Variants in PRKG1 observed in about 807,000 individuals in gnomAD.
PRKG1 encodes protein kinase cGMP-dependent 1.
In PRKG1, 35 loss-of-function variants were observed where a neutral mutation model predicts 88.1. That is an observed-to-expected ratio of 0.40 (90% confidence interval 0.30 to 0.53). PRKG1 has a LOEUF of 0.53. Among genes scored for constraint, PRKG1 ranks in the 20% least tolerant of loss-of-function variants. The pLI is 0.59. For synonymous variants in PRKG1, 303 were observed against 292.5 expected, an observed-to-expected ratio of 1.04 and a Z score of -0.37; for missense variants, 540 against 839.8, an observed-to-expected ratio of 0.64 and a Z score of 4.41.
intron 5 of PRKG1, among the ~76,000 whole-genome samples, chr10:52,043,915 T>C (rs1430509151): frequency 7.8e-5 from 2 of 25,482 alleles, no homozygotes; most frequent in East Asian, 2.3e-3. Context: ...CAGTTAAACA[T>C]AGAAAAAAAA....
At chr10:51,362,861 G>A (rs1842512871) in intron 2 of PRKG1, among the ~76,000 whole-genome samples, 3 of 151,724 alleles carry the variant, frequency 2.0e-5, no homozygotes, top group South Asian at 2.1e-4. Flanking sequence ...TCCCACTTAT[G>A]AGCGAGAACA....
intron 9 of PRKG1, among the ~76,000 whole-genome samples, chr10:52,175,273 A>C (rs1838831667): frequency 6.6e-6 from 1 of 152,122 alleles, no homozygotes; most frequent in Non-Finnish European, 1.5e-5. Flanking sequence ...TTCACTTAAC[A>C]TAATGTCCTT....
chr10:51,549,046 TG>T (rs1202328182), intron 3 of PRKG1, among the ~76,000 whole-genome samples: 14 of 151,730 alleles, frequency 9.2e-5, no homozygotes, highest in Admixed American at 3.3e-4. Context: ...ATGTTATAGG[TG>T]GTTCTTTTTG....
intron 1 of PRKG1, among the ~76,000 whole-genome samples, chr10:51,140,157 A>G (rs138636736): frequency 0.012 from 1,768 of 152,278 alleles, 27 homozygotes; most frequent in Middle Eastern, 0.041. Flanking sequence ...GCATTGTCAA[A>G]CAGGTCTTCA....
At chr10:51,899,031 T>C (rs1280895425) in intron 4 of PRKG1, among the ~76,000 whole-genome samples, 2 of 152,150 alleles carry the variant, frequency 1.3e-5, no homozygotes, top group South Asian at 4.1e-4. Context: ...AACCTTTTGA[T>C]TTTTTCCTGC....
At chr10:51,565,766 C>CT (rs1216523595) in intron 3 of PRKG1, among the ~76,000 whole-genome samples, 1 of 151,806 alleles carries the variant, frequency 6.6e-6, no homozygotes, top group Non-Finnish European at 1.5e-5. Flanking sequence ...CCTCATAGAG[C>CT]TTCTGGTTAA....
chr10:51,977,035 C>T (rs895353650), intron 5 of PRKG1, among the ~76,000 whole-genome samples: 2 of 151,800 alleles, frequency 1.3e-5, no homozygotes, highest in African/African-American at 4.8e-5. Context: ...TAAACTTTGT[C>T]ATGGGGTATT....
chr10:51,988,639 G>A (rs1365980986), intron 5 of PRKG1, among the ~76,000 whole-genome samples: 1 of 151,832 alleles, frequency 6.6e-6, no homozygotes, highest in Non-Finnish European at 1.5e-5. Context: ...GGCTATTCAG[G>A]TTTCTTCTTC....
intron 2 of PRKG1, among the ~76,000 whole-genome samples, chr10:51,395,784 A>G (rs188304505): frequency 6.6e-6 from 1 of 152,296 alleles, no homozygotes; most frequent in Admixed American, 6.5e-5. Context: ...GGTATTGACC[A>G]TATCCTGCTA....
At chr10:52,263,342 T>C (rs1841480338) in intron 10 of PRKG1, among the ~76,000 whole-genome samples, 1 of 152,084 alleles carries the variant, frequency 6.6e-6, no homozygotes, top group South Asian at 2.1e-4. Flanking sequence ...GACAAATCAA[T>C]ACAGAACTAG....
At chr10:52,175,921 A>G (rs1838852165) in intron 9 of PRKG1, among the ~76,000 whole-genome samples, 1 of 152,028 alleles carries the variant, frequency 6.6e-6, no homozygotes, top group South Asian at 2.1e-4. Context: ...TAGTTTGCAA[A>G]TATTTTCTCT....
chr10:51,382,760 C>G (rs1227535307), intron 2 of PRKG1, among the ~76,000 whole-genome samples: 1 of 152,162 alleles, frequency 6.6e-6, no homozygotes, highest in Non-Finnish European at 1.5e-5. Context: ...AAAGCTCTGG[C>G]TCCATTTTCT....
intron 2 of PRKG1, among the ~76,000 whole-genome samples, chr10:51,165,349 G>A (rs1030473625): frequency 9.9e-5 from 15 of 151,674 alleles, no homozygotes; most frequent in African/African-American, 1.5e-4. Flanking sequence ...AGCAAATGCT[G>A]AGAGATTTTG....
At chr10:51,091,656 G>A (rs528921528) in intron 1 of PRKG1, among the ~76,000 whole-genome samples, 73 of 152,084 alleles carry the variant, frequency 4.8e-4, no homozygotes, top group Non-Finnish European at 9.9e-4. Context: ...GAGAATTGAA[G>A]CATTTAGTTT....
At chr10:51,281,426 C>T (rs539723151) in intron 2 of PRKG1, among the ~76,000 whole-genome samples, 20 of 152,210 alleles carry the variant, frequency 1.3e-4, no homozygotes, top group Admixed American at 1.3e-3. Context: ...TATCCTGCAC[C>T]TGGCTCAGAG....
chr10:52,214,109 T>A (rs1473982145), intron 9 of PRKG1, among the ~76,000 whole-genome samples: 1 of 152,158 alleles, frequency 6.6e-6, no homozygotes, highest in Non-Finnish European at 1.5e-5. Flanking sequence ...TCTCCTGGGT[T>A]ATTAAGACAC....
intron 9 of PRKG1, among the ~76,000 whole-genome samples, chr10:52,200,135 A>T (rs1461624121): frequency 1.3e-5 from 2 of 151,944 alleles, no homozygotes; most frequent in African/African-American, 4.8e-5. Flanking sequence ...TGGGCGTTTG[A>T]TGTACAAATT....
At chr10:51,983,259 G>A (rs1232625129) in intron 5 of PRKG1, among the ~76,000 whole-genome samples, 1 of 152,082 alleles carries the variant, frequency 6.6e-6, no homozygotes, top group Non-Finnish European at 1.5e-5. Flanking sequence ...GTGCTGGTGG[G>A]GCAAGGAAGG....
intron 4 of PRKG1, among the ~76,000 whole-genome samples, chr10:51,810,549 C>T (rs996691458): frequency 2.6e-5 from 4 of 152,094 alleles, no homozygotes; most frequent in African/African-American, 9.7e-5. Context: ...GTAAAGCTTC[C>T]TTATTCTTTA....
Sources: gnomAD v4.1 joint callset for allele counts (sites outside exome capture counted in the v4.1 genomes callset) on GRCh38, gnomAD v4.1.1 for gene constraint, MANE v1.5 for transcripts, NCBI Gene and HGNC (gene_info 2026-07-23, HGNC 2026-07-21) for gene names.